Variants in GRIN2A observed in about 807,000 individuals in gnomAD.
GRIN2A encodes glutamate ionotropic receptor NMDA type subunit 2A, also known as glutamate receptor ionotropic, NMDA 2A.
A neutral mutation model predicts 113.4 loss-of-function variants in GRIN2A; 22 were observed. The observed-to-expected ratio is 0.19, with a 90% CI of 0.14 to 0.28. The LOEUF is 0.28. Ranked by LOEUF, GRIN2A falls within the 10% of genes least tolerant of loss-of-function variation. The pLI, the probability that GRIN2A is intolerant of heterozygous loss-of-function variation, is 1.00. For synonymous variants in GRIN2A, 827 were observed against 738.4 expected, an observed-to-expected ratio of 1.12 and a Z score of -1.94; for missense variants, 1,502 against 1,887.0, an observed-to-expected ratio of 0.80 and a Z score of 3.78.
intron 2 of GRIN2A, among the ~76,000 whole-genome samples, chr16:10,063,935 C>T (rs909435789): frequency 1.3e-5 from 2 of 152,128 alleles, no homozygotes; most frequent in South Asian, 4.1e-4. Context: ...CCACAGTCAC[C>T]GTCTCCTGGA....
intron 10 of GRIN2A, among the ~76,000 whole-genome samples, chr16:9,816,213 A>G (rs1362948920): frequency 6.6e-6 from 1 of 152,238 alleles, no homozygotes; most frequent in Non-Finnish European, 1.5e-5. Context: ...CGATGAATGC[A>G]TTTAATACCA....
In GRIN2A at chr16:9,762,937, G is replaced by T; in HGVS notation, c.*212C>A. 1.6e-6 allele frequency: 1 copy of T among 607,506 alleles called. No homozygotes were observed. The highest frequency in any genetic ancestry group is 1.8e-5 in the African/African-American group (1 of 54,088). The allele number at this position is 607,506 out of a possible 1,614,324, so 37.6% of individuals were successfully genotyped here. On this transcript the variant is annotated 3_prime_UTR_variant, in exon 13 of 13. Coordinates refer to ENST00000330684, the MANE Select transcript of GRIN2A (RefSeq NM_001134407.3). ...TTGGTTAAGGACTCACCTATCTGGT[G>T]TCTGCCATGCTCAGCACACACCTCA...
At chr16:9,892,790 G>C (rs756956748) in intron 3 of GRIN2A, among the ~76,000 whole-genome samples, 4 of 152,072 alleles carry the variant, frequency 2.6e-5, no homozygotes, top group African/African-American at 4.8e-5. Flanking sequence ...TGTCGTTAAA[G>C]ACATCTGAGA....
At chr16:10,109,873 G>A (rs1238610550) in intron 2 of GRIN2A, among the ~76,000 whole-genome samples, 2 of 150,372 alleles carry the variant, frequency 1.3e-5, no homozygotes, top group Non-Finnish European at 3.0e-5. Context: ...CACCTACTAT[G>A]TACCCACAAA....
intron 2 of GRIN2A, among the ~76,000 whole-genome samples, chr16:10,092,756 C>T (rs183425771): frequency 9.9e-5 from 15 of 152,160 alleles, no homozygotes; most frequent in Middle Eastern, 6.8e-3. Context: ...TCAAACTAAA[C>T]GGTAACTCAA....
rs910410679 is a variant in GRIN2A at position 9,758,460 on chromosome 16, A to C, written c.*4689T>G. The C allele has an allele frequency of 1.8e-5, 4 of 219,380 alleles. No homozygotes were observed. The East Asian group carries it at 2.7e-4, about 15-fold the overall frequency. 13.6% of individuals were successfully genotyped at this position (219,380 alleles called of 1,614,324 possible). ...CCTACAACTGAGATTAAAAAAATAT[A>C]GTGCCCTCTCTACAGAAATATCCTC... On this transcript the variant is annotated 3_prime_UTR_variant, in exon 13 of 13. Coordinates refer to ENST00000330684, the MANE Select transcript of GRIN2A (RefSeq NM_001134407.3).
chr16:9,804,823 C>T (rs9927746), intron 10 of GRIN2A, among the ~76,000 whole-genome samples: 2,224 of 152,284 alleles, frequency 0.015, 57 homozygotes, highest in African/African-American at 0.051. Flanking sequence ...CCATTACCTT[C>T]TCCATCACCG....
rs1177871242 is a variant in GRIN2A, at chr16:10,062,059, G to A, written c.414+117939C>T. Reference sequence around the variant, plus strand: ...CTGAGGATCAGATAGGGTAATGGCCGGACCAAAGTCACATAAAAAATGAAT... The same window carrying A: ...CTGAGGATCAGATAGGGTAATGGCCAGACCAAAGTCACATAAAAAATGAAT... On this transcript the variant is annotated intron_variant, in intron 2 of 12. Coordinates refer to ENST00000330684, the MANE Select transcript of GRIN2A (RefSeq NM_001134407.3). Among the ~76,000 whole-genome samples the A allele has an allele frequency of 3.9e-5, 6 of 152,078 alleles. No individual in the cohort carries two copies. In the East Asian group the frequency reaches 5.8e-4, roughly 15 times the overall value.
chr16:10,049,287 T>A (rs2047312945), intron 2 of GRIN2A, among the ~76,000 whole-genome samples: 1 of 152,198 alleles, frequency 6.6e-6, no homozygotes, highest in Admixed American at 6.5e-5. Context: ...GTTTACTCTA[T>A]CTCAGGCACT....
chr16:9,892,379 C>A (rs1192603973), intron 3 of GRIN2A, among the ~76,000 whole-genome samples: 4 of 152,116 alleles, frequency 2.6e-5, no homozygotes, highest in African/African-American at 9.7e-5. Flanking sequence ...TTATGCTATT[C>A]TTACAAACCA....
Position 9,761,655 on chromosome 16 carries a change from G to A in GRIN2A, c.*1494C>T, listed in dbSNP as rs940083770. The A allele has an allele frequency of 8.8e-6, 2 of 228,404 alleles. No individual in the cohort carries two copies. Among genetic ancestry groups the A allele is most frequent in the African/African-American group, 4.4e-5 (2 of 45,074 alleles). 14.1% of individuals were successfully genotyped at this position (228,404 alleles called of 1,614,324 possible). ...TATCTTGTCGGGGGCACTTGTTTTT[G>A]TGGCAGGCACTGTGCTAACAGGCTC... On this transcript the variant is annotated 3_prime_UTR_variant, in exon 13 of 13. Coordinates refer to ENST00000330684, the MANE Select transcript of GRIN2A (RefSeq NM_001134407.3).
At chr16:10,176,301 A>T (rs181636619) in intron 2 of GRIN2A, among the ~76,000 whole-genome samples, 20 of 152,240 alleles carry the variant, frequency 1.3e-4, no homozygotes, top group African/African-American at 4.8e-4. Flanking sequence ...CACCTCGCTC[A>T]GCCTTATTTT....
chr16:9,956,752 A>G (rs528400124), intron 2 of GRIN2A, among the ~76,000 whole-genome samples: 2 of 152,284 alleles, frequency 1.3e-5, no homozygotes, highest in East Asian at 3.9e-4. Context: ...AATGGGGGAA[A>G]CAGAACAATT....
intron 4 of GRIN2A, among the ~76,000 whole-genome samples, chr16:9,863,099 T>G (rs1254829476): frequency 6.6e-6 from 1 of 152,230 alleles, no homozygotes; most frequent in East Asian, 1.9e-4. Flanking sequence ...GAATCTGAGC[T>G]TGGACTTCAG....
chr16:10,128,166 G>A (rs1197210661), intron 2 of GRIN2A, among the ~76,000 whole-genome samples: 1 of 152,158 alleles, frequency 6.6e-6, no homozygotes, highest in Non-Finnish European at 1.5e-5. Flanking sequence ...ATCACCACTG[G>A]CAGCTCACGG....
chr16:9,935,185 T>C (rs1323236341), intron 3 of GRIN2A, among the ~76,000 whole-genome samples: 1 of 152,214 alleles, frequency 6.6e-6, no homozygotes, highest in African/African-American at 2.4e-5. Flanking sequence ...GATTTATGTT[T>C]CCATCAAAAT....
At chr16:9,929,410 G>C (rs1049019544) in intron 3 of GRIN2A, among the ~76,000 whole-genome samples, 1 of 152,138 alleles carries the variant, frequency 6.6e-6, no homozygotes, top group Non-Finnish European at 1.5e-5. Context: ...AGCTATACAA[G>C]AGGAAAATTA....
chr16:9,929,211 A>T (rs1224548451), intron 3 of GRIN2A, among the ~76,000 whole-genome samples: 1 of 152,196 alleles, frequency 6.6e-6, no homozygotes, highest in Non-Finnish European at 1.5e-5. Flanking sequence ...CAATAAGCTC[A>T]AATCCTGTGT....
chr16:10,035,875 C>A lies in GRIN2A; in HGVS notation c.415-97324G>T, dbSNP rs141816070. On this transcript the variant is annotated intron_variant, in intron 2 of 12. Transcript: ENST00000330684. Reference sequence around the variant, plus strand: ...AGTAGCTAGGACTACAGGTGCTTGCCACCATGCCTGGCTAATTTTTGTATT... The same window carrying A: ...AGTAGCTAGGACTACAGGTGCTTGCAACCATGCCTGGCTAATTTTTGTATT... Among the ~76,000 whole-genome samples, 228 of 152,236 alleles carry A rather than the reference C, an allele frequency of 1.5e-3. 3 individuals carry two copies. Among genetic ancestry groups the A allele is most frequent in the African/African-American group, 5.4e-3 (223 of 41,518 alleles).
Sources: gnomAD v4.1 joint callset for allele counts (sites outside exome capture counted in the v4.1 genomes callset) on GRCh38, gnomAD v4.1.1 for gene constraint, MANE v1.5 for transcripts, NCBI Gene and HGNC (gene_info 2026-07-23, HGNC 2026-07-21) for gene names.